NPIPB8: variants seen among roughly 807,000 people sequenced by gnomAD.
NPIPB8 encodes the protein nuclear pore complex-interacting protein family member B8.
Under a neutral mutation model 5.3 loss-of-function variants are expected in NPIPB8, and 3 were observed. The observed-to-expected ratio is 0.57, with a 90% CI of 0.26 to 1.47. The LOEUF is 1.47. Among genes scored for constraint, NPIPB8 ranks in the 40% most tolerant of loss-of-function variants. The pLI is 0.13. For synonymous variants in NPIPB8, 18 were observed against 23.0 expected (o/e 0.78, Z 0.62); for missense variants, 50 against 50.2 (o/e 1.00, Z 0.01).
chr16:28,640,633 G>C (rs2151744858), intron 2 of NPIPB8, among the ~76,000 whole-genome samples: 1 of 152,288 alleles, frequency 6.6e-6, no homozygotes, highest in Middle Eastern at 3.4e-3. Flanking sequence ...GGCAGAGGAA[G>C]AGAGTGGGGA....
intron 2 of NPIPB8, among the ~76,000 whole-genome samples, chr16:28,643,030 A>G (rs889196893): frequency 6.6e-6 from 1 of 152,114 alleles, no homozygotes; most frequent in African/African-American, 2.4e-5. Flanking sequence ...AGGAAAGGTG[A>G]TAGACAGTGG....
At position 28,638,476 on chromosome 16, in the gene NPIPB8, G is replaced by A. The variant is rs751677119; in HGVS notation, c.116G>A (p.Arg39Lys). 1 of 1,559,182 alleles carries A rather than the reference G, an allele frequency of 6.4e-7. No individual in the cohort carries two copies. Among genetic ancestry groups the A allele is most frequent in the Non-Finnish European group, 8.6e-7 (1 of 1,158,626 alleles). ...GTGACATGCCCATGCGAGTACCTGA[G>A]GAAGGTGAGTGAGTGCAGACAAGAT... ...KSVTCPCEYL[R>K]KVINSLAVYR... The change falls in exon 2 of 8, where the codon AGG becomes AAG. Residue 39 changes from arginine to lysine, a missense_variant. Transcript: ENST00000683297.
intron 2 of NPIPB8, chr16:28,644,525 C>G: frequency 1.5e-6 from 2 of 1,337,084 alleles, no homozygotes; most frequent in Middle Eastern, 2.9e-4. Flanking sequence ...CCTTCCCTCC[C>G]CCCTGCCCTA....
intron 3 of NPIPB8, among the ~76,000 whole-genome samples, chr16:28,651,000 T>C (rs2048032036): frequency 8.7e-6 from 1 of 115,504 alleles, no homozygotes. Flanking sequence ...TTTTTTTTTT[T>C]TTTGAGACGG....
intron 2 of NPIPB8, among the ~76,000 whole-genome samples, chr16:28,640,178 A>G (rs1949853234): frequency 1.3e-5 from 2 of 151,976 alleles, no homozygotes; most frequent in African/African-American, 2.4e-5. Flanking sequence ...ACGGCAGGCT[A>G]GTCTGCATCA....
chr16:28,644,956 C>T (rs1246047189), intron 2 of NPIPB8, among the ~76,000 whole-genome samples: 1 of 104,912 alleles, frequency 9.5e-6, no homozygotes, highest in South Asian at 2.9e-4. Flanking sequence ...CTGAGATGGC[C>T]CCGCTGCACT....
At chr16:28,638,898 G>A (rs1489788692) in intron 2 of NPIPB8, among the ~76,000 whole-genome samples, 11 of 148,560 alleles carry the variant, frequency 7.4e-5, no homozygotes, top group African/African-American at 1.5e-4. Context: ...GCAAAACCTC[G>A]TCCCTACTAA....
At chr16:28,651,604 TTGTGTGTGTGTGTGTGTGTG>T (rs533825986) in intron 3 of NPIPB8, among the ~76,000 whole-genome samples, 1 of 39,130 alleles carries the variant, frequency 2.6e-5, no homozygotes, top group Non-Finnish European at 4.8e-5. Flanking sequence ...CATGTCATTC[TTGTGTGTGTGTGTGTGTGTG>T]TGTGTGTGTG....
chr16:28,642,752 G>C (rs986085101), intron 2 of NPIPB8, among the ~76,000 whole-genome samples: 1 of 151,736 alleles, frequency 6.6e-6, no homozygotes, highest in African/African-American at 2.4e-5. Context: ...AAAGTGCTGG[G>C]ATTACAGGCG....
In NPIPB8 at chr16:28,638,077, A is replaced by T. The variant is rs897546562; in HGVS notation, c.-112A>T. 1.1e-3 allele frequency: 762 copies of T among 714,710 alleles called. 4 individuals are homozygous for T. Among genetic ancestry groups the T allele is most frequent in the Non-Finnish European group, 1.0e-3 (494 of 476,750 alleles). 44.3% of individuals were successfully genotyped at this position (714,710 alleles called of 1,614,324 possible). ...ATGACTTGGATGTTTTATAGGTATG[A>T]TCTCATGAAACCTTGAGAGAAACTG... On this transcript the variant is annotated 5_prime_UTR_variant, in exon 1 of 8. Transcript: ENST00000683297.
At chr16:28,641,632 T>C (rs3987703) in intron 2 of NPIPB8, among the ~76,000 whole-genome samples, 7 of 135,628 alleles carry the variant, frequency 5.2e-5, no homozygotes, top group Admixed American at 7.5e-5. Context: ...CCTTCCAAGG[T>C]GCCAGCTCTG....
At chr16:28,642,147 C>A (rs2047909429) in intron 2 of NPIPB8, among the ~76,000 whole-genome samples, 1 of 151,416 alleles carries the variant, frequency 6.6e-6, no homozygotes. Flanking sequence ...ATTCTGTCAC[C>A]CAGGCTGGAG....
chr16:28,639,277 C>A (rs369270049), intron 2 of NPIPB8, among the ~76,000 whole-genome samples: 2 of 148,822 alleles, frequency 1.3e-5, no homozygotes, highest in South Asian at 4.2e-4. Flanking sequence ...GTTTTGAATG[C>A]TCTGTGCAGT....
intron 2 of NPIPB8, among the ~76,000 whole-genome samples, chr16:28,641,015 T>C (rs2047886340): frequency 6.6e-6 from 1 of 151,974 alleles, no homozygotes; most frequent in Admixed American, 6.6e-5. Flanking sequence ...AGTGCTCAGA[T>C]TAGGGCTGGA....
intron 2 of NPIPB8, chr16:28,644,509 C>T (rs1295817094): frequency 4.1e-6 from 4 of 971,790 alleles, no homozygotes; most frequent in Non-Finnish European, 5.6e-6. Flanking sequence ...GGCCCATTCC[C>T]CGTCCCCTTC....
intron 5 of NPIPB8, among the ~76,000 whole-genome samples, chr16:28,653,066 C>T (rs1444896986): frequency 4.5e-5 from 5 of 110,608 alleles, no homozygotes; most frequent in South Asian, 2.7e-4. Flanking sequence ...CCACCACATT[C>T]GGCCAATTTT....
chr16:28,651,273 G>T (rs1256627503), intron 3 of NPIPB8, among the ~76,000 whole-genome samples: 4 of 41,304 alleles, frequency 9.7e-5, no homozygotes, highest in Non-Finnish European at 1.6e-4. Flanking sequence ...GTGAGCTACC[G>T]CACCTGGGCT....
intron 3 of NPIPB8, among the ~76,000 whole-genome samples, chr16:28,650,962 G>A (rs1215535300): frequency 9.8e-6 from 1 of 101,598 alleles, no homozygotes; most frequent in Non-Finnish European, 1.8e-5. Flanking sequence ...GTACAGTTCA[G>A]TTGTGTGAAG....
rs2048055225 is a variant in NPIPB8 at position 28,652,363 on chromosome 16, C to G, written c.598C>G (p.Gln200Glu). 3 of 260,564 alleles carry G rather than the reference C, an allele frequency of 1.2e-5. No individual in the cohort carries two copies. Among genetic ancestry groups the G allele is most frequent in the South Asian group, 2.6e-5 (1 of 38,648 alleles). The allele number at this position is 260,564 out of a possible 1,614,324, so 16.1% of individuals were successfully genotyped here. The change falls in exon 5 of 8, where the codon CAG becomes GAG. Residue 200 changes from glutamine (Q) to glutamate (E), a missense_variant and splice_region_variant. Gln to Glu is a conservative substitution (Grantham distance 29, BLOSUM62 2). Coordinates refer to ENST00000683297, the MANE Select transcript of NPIPB8 (RefSeq NM_001310136.2). ...TGGAAAGAGGAAGACCGCCAGAAAACAGTAAGATGTGCCTTGACACAAATA... is the reference window on the plus strand; with the variant it reads ...TGGAAAGAGGAAGACCGCCAGAAAAGAGTAAGATGTGCCTTGACACAAATA... ...INGKRKTARK[Q>E]KMFQRAQELR...
Sources: allele counts gnomAD v4.1 joint callset (sites outside exome capture counted in the v4.1 genomes callset), GRCh38; gene constraint gnomAD v4.1.1; transcripts MANE v1.5; gene names NCBI Gene and HGNC (gene_info 2026-07-23, HGNC 2026-07-21).